The following LIN28B variants were observed in gnomAD, a reference collection of about 807,000 sequenced individuals.
LIN28B encodes lin-28 RNA binding posttranscriptional regulator B.
Under a neutral mutation model 21.9 loss-of-function variants are expected in LIN28B, and 5 were observed. The ratio of observed to expected loss-of-function variants is 0.23; its 90% CI spans 0.12 to 0.48. The LOEUF (loss-of-function observed/expected upper bound fraction) is 0.48. LIN28B is among the 20% of genes least tolerant of loss of function. LIN28B has a pLI of 0.98. For missense variants in LIN28B, 245 were observed against 310.5 expected (o/e 0.79, Z 1.58); for synonymous variants, 109 against 111.3 (o/e 0.98, Z 0.13).
intron 2 of LIN28B, among the ~76,000 whole-genome samples, chr6:105,005,620 T>TG (rs1321606224): frequency 6.6e-6 from 1 of 152,156 alleles, no homozygotes; most frequent in Non-Finnish European, 1.5e-5. Context: ...TCTCTCTCTC[T>TG]CTGCTGCTGC....
At chr6:104,960,212 A>G (rs1018285866) in intron 2 of LIN28B, among the ~76,000 whole-genome samples, 3 of 152,106 alleles carry the variant, frequency 2.0e-5, no homozygotes, top group Non-Finnish European at 4.4e-5. Context: ...GAGGTTTCTT[A>G]TATTGTAATA....
chr6:105,063,954 C>A (rs1772175583), intron 3 of LIN28B, among the ~76,000 whole-genome samples: 1 of 150,168 alleles, frequency 6.7e-6, no homozygotes. Context: ...AAATAGGTCC[C>A]AATACTATGA....
intron 2 of LIN28B, chr6:104,940,844 G>C (rs1778077335): frequency 6.6e-6 from 1 of 152,034 alleles, no homozygotes; most frequent in Non-Finnish European, 1.5e-5. Flanking sequence ...TGACCCTCCC[G>C]GCCCCGCCGC....
intron 2 of LIN28B, among the ~76,000 whole-genome samples, chr6:105,014,406 G>A (rs1770985532): frequency 1.3e-5 from 2 of 152,152 alleles, no homozygotes; most frequent in Admixed American, 6.5e-5. Context: ...TGTAACCTCC[G>A]TTTCCCGGGT....
intron 2 of LIN28B, among the ~76,000 whole-genome samples, chr6:104,942,343 A>G (rs1778106337): frequency 1.3e-5 from 2 of 152,148 alleles, no homozygotes; most frequent in South Asian, 4.1e-4. Flanking sequence ...GCTGGTTATT[A>G]CCATATTTAC....
chr6:104,946,025 G>A (rs1052562281), intron 2 of LIN28B, among the ~76,000 whole-genome samples: 5 of 151,950 alleles, frequency 3.3e-5, no homozygotes, highest in Admixed American at 2.6e-4. Context: ...TGATTCAGCA[G>A]TGCCAAAAAT....
intron 2 of LIN28B, among the ~76,000 whole-genome samples, chr6:104,987,336 T>C (rs1278368070): frequency 6.6e-6 from 1 of 152,196 alleles, no homozygotes; most frequent in African/African-American, 2.4e-5. Flanking sequence ...AATTTTCTTA[T>C]TGATTCACAT....
chr6:105,025,420 G>A (rs1462139436), intron 2 of LIN28B, among the ~76,000 whole-genome samples: 1 of 152,102 alleles, frequency 6.6e-6, no homozygotes, highest in East Asian at 1.9e-4. Flanking sequence ...CAACAATTTT[G>A]TAATTGGTGA....
At chr6:104,975,595 AGTGATGATAGT>A (rs1770073343) in intron 2 of LIN28B, among the ~76,000 whole-genome samples, 1 of 152,136 alleles carries the variant, frequency 6.6e-6, no homozygotes, top group South Asian at 2.1e-4. Context: ...GTGACAACAC[AGTGATGATAGT>A]GTAACTTTTA....
intron 2 of LIN28B, among the ~76,000 whole-genome samples, chr6:104,992,515 T>TGTG (rs1491330288): frequency 2.1e-4 from 6 of 28,140 alleles, no homozygotes; most frequent in Non-Finnish European, 5.6e-4. Flanking sequence ...TGTGTGTGTG[T>TGTG]TTTTTTTTTA....
intron 2 of LIN28B, among the ~76,000 whole-genome samples, chr6:104,960,150 A>G (rs567657157): frequency 6.6e-6 from 1 of 152,160 alleles, no homozygotes. Flanking sequence ...TAGTATATAC[A>G]TACAGTTCAT....
intron 3 of LIN28B, among the ~76,000 whole-genome samples, chr6:105,049,199 G>A (rs756390622): frequency 7.2e-5 from 11 of 152,096 alleles, no homozygotes; most frequent in African/African-American, 9.7e-5. Flanking sequence ...TTGGTTTGTC[G>A]TGTCTTTGTT....
intron 3 of LIN28B, among the ~76,000 whole-genome samples, chr6:105,073,677 T>TA (rs1406258724): frequency 1.3e-5 from 2 of 152,200 alleles, no homozygotes; most frequent in African/African-American, 4.8e-5. Context: ...AATCCTAAGA[T>TA]ACATTTTTTT....
intron 2 of LIN28B, among the ~76,000 whole-genome samples, chr6:105,018,350 G>C (rs1006704964): frequency 3.3e-5 from 5 of 151,762 alleles, no homozygotes; most frequent in African/African-American, 1.2e-4. Context: ...CCTCATTTTT[G>C]GTCTCTCACT....
chr6:105,082,660 G>T lies in LIN28B; in HGVS notation c.*3877G>T, dbSNP rs1772561910. ...GCATCAAACTCTGTCTTACATAGCT[G>T]TCAACAGCCTCTTTAAGATGTGGTG... On this transcript the variant is annotated 3_prime_UTR_variant, in exon 4 of 4. Coordinates refer to ENST00000345080, the MANE Select transcript of LIN28B (RefSeq NM_001004317.4). The T allele has an allele frequency of 6.6e-6, 1 of 152,568 alleles. No individual in the cohort carries two copies. The highest frequency in any genetic ancestry group is 2.4e-5 in the African/African-American group (1 of 41,412). The allele number at this position is 152,568 out of a possible 1,614,324, so 9.5% of individuals were successfully genotyped here.
chr6:104,958,203 G>A lies in LIN28B; in HGVS notation c.115G>A (p.Val39Met). ...RGTGHCKWFN[V>M]RMGFGFISMI... ...AACTGGCCACTGTAAGTGGTTCAATGTGCGCATGGGATTTGGATTCATCTC... is the reference window on the plus strand; with the variant it reads ...AACTGGCCACTGTAAGTGGTTCAATATGCGCATGGGATTTGGATTCATCTC... The change falls in exon 2 of 4, where the codon GTG becomes ATG. Residue 39 changes from valine (V) to methionine (M), a missense_variant. By Grantham distance (21) the Val-to-Met change is conservative. Coordinates refer to ENST00000345080, the MANE Select transcript of LIN28B (RefSeq NM_001004317.4). 1 of 1,606,298 alleles carries A rather than the reference G, an allele frequency of 6.2e-7. No homozygotes were observed. The highest frequency in any genetic ancestry group is 8.5e-7 in the Non-Finnish European group (1 of 1,173,892).
chr6:104,954,123 C>CTA (rs1582860921), upstream of LIN28B, among the ~76,000 whole-genome samples: 1 of 152,048 alleles, frequency 6.6e-6, no homozygotes, highest in African/African-American at 2.4e-5. Context: ...TTTGAAAGAA[C>CTA]TATAAGTCAA....
At chr6:104,962,048 T>A (rs1769756952) in intron 2 of LIN28B, among the ~76,000 whole-genome samples, 1 of 152,152 alleles carries the variant, frequency 6.6e-6, no homozygotes, top group Admixed American at 6.5e-5. Context: ...TCTTACCTAA[T>A]AAGATGAAAT....
intron 2 of LIN28B, among the ~76,000 whole-genome samples, chr6:104,945,278 C>T (rs1321910140): frequency 6.6e-6 from 1 of 151,972 alleles, no homozygotes; most frequent in Non-Finnish European, 1.5e-5. Context: ...GTAAGTCACC[C>T]AGTGTTGTAA....
Sources: allele counts gnomAD v4.1 joint callset (sites outside exome capture counted in the v4.1 genomes callset), GRCh38; gene constraint gnomAD v4.1.1; transcripts MANE v1.5; gene names NCBI Gene and HGNC (gene_info 2026-07-23, HGNC 2026-07-21).